HCN1: variants seen among roughly 807,000 people sequenced by gnomAD.
The protein encoded by HCN1 is hyperpolarization activated cyclic nucleotide gated potassium channel 1.
In HCN1, 13 loss-of-function variants were observed where a neutral mutation model predicts 78.9. That is an observed-to-expected ratio of 0.16 (90% CI 0.11 to 0.26). The LOEUF (loss-of-function observed/expected upper bound fraction) is 0.26, where lower values mean the gene tolerates loss of function less well. Ranked by LOEUF, HCN1 falls within the 10% of genes least tolerant of loss-of-function variation. The pLI is 1.00. For synonymous variants in HCN1, 552 were observed against 455.5 expected (o/e 1.21, Z -2.70); for missense variants, 810 against 1,154.3 (o/e 0.70, Z 4.32).
rs59990854 is a variant in HCN1 at position 45,428,102 on chromosome 5, TTATC to T, written c.1012-31396_1012-31393del. ...ATGAACCTGTATTCACTTCTATTCT[TTATC>T]TATGGATAAAACTCATAGAAACATT... On this transcript the variant is annotated intron_variant, in intron 3 of 7. Coordinates refer to ENST00000303230, the MANE Select transcript of HCN1 (RefSeq NM_021072.4). Among the ~76,000 whole-genome samples, 1,304 of 152,144 alleles carry T rather than the reference TTATC, an allele frequency of 8.6e-3. 25 individuals are homozygous for T. The highest frequency in any genetic ancestry group is 0.031 in the African/African-American group (1,277 of 41,570).
At chr5:45,399,095 A>G (rs1025697481) in intron 3 of HCN1, among the ~76,000 whole-genome samples, 2 of 152,272 alleles carry the variant, frequency 1.3e-5, no homozygotes, top group Middle Eastern at 3.4e-3. Flanking sequence ...CAAGCTCTCT[A>G]CTCACCATGG....
chr5:45,444,813 T>G (rs1740752551), intron 3 of HCN1, among the ~76,000 whole-genome samples: 1 of 152,044 alleles, frequency 6.6e-6, no homozygotes, highest in African/African-American at 2.4e-5. Context: ...ATTATTATTA[T>G]TATTATACTT....
At chr5:45,682,054 A>T (rs1035707074) in intron 1 of HCN1, among the ~76,000 whole-genome samples, 17 of 151,860 alleles carry the variant, frequency 1.1e-4, no homozygotes, top group Admixed American at 2.6e-4. Context: ...GAGATCCCTC[A>T]CCCCTTCTAC....
chr5:45,676,967 G>T (rs1746278053), intron 1 of HCN1, among the ~76,000 whole-genome samples: 1 of 151,630 alleles, frequency 6.6e-6, no homozygotes, highest in South Asian at 2.1e-4. Context: ...AACTAATACT[G>T]GTGGGAAATG....
intron 1 of HCN1, among the ~76,000 whole-genome samples, chr5:45,665,228 C>G (rs953691349): frequency 6.8e-6 from 1 of 146,670 alleles, no homozygotes; most frequent in Admixed American, 7.1e-5. Flanking sequence ...TGTTCTCACT[C>G]ATAGGTGGGA....
intron 2 of HCN1, among the ~76,000 whole-genome samples, chr5:45,578,686 A>G (rs1743996303): frequency 6.6e-6 from 1 of 152,022 alleles, no homozygotes; most frequent in Non-Finnish European, 1.5e-5. Flanking sequence ...ACTTTATAAA[A>G]TAAATAATAT....
intron 2 of HCN1, among the ~76,000 whole-genome samples, chr5:45,504,611 AC>A (rs1445982727): frequency 2.6e-5 from 4 of 152,130 alleles, no homozygotes; most frequent in South Asian, 2.1e-4. Context: ...TTGGGTATAT[AC>A]CCAGTAATGG....
At chr5:45,315,470 C>A in intron 5 of HCN1, among the ~76,000 whole-genome samples, 1 of 152,042 alleles carries the variant, frequency 6.6e-6, no homozygotes, top group Non-Finnish European at 1.5e-5. Flanking sequence ...CAGGAAAGTT[C>A]TAAAATTGAC....
intron 2 of HCN1, among the ~76,000 whole-genome samples, chr5:45,604,566 A>G (rs1744689360): frequency 6.6e-6 from 1 of 152,040 alleles, no homozygotes; most frequent in African/African-American, 2.4e-5. Context: ...TTCAAAATGT[A>G]TTAATAATAC....
intron 6 of HCN1, among the ~76,000 whole-genome samples, chr5:45,282,162 A>T (rs1745182206): frequency 6.6e-6 from 1 of 152,178 alleles, no homozygotes; most frequent in Non-Finnish European, 1.5e-5. Flanking sequence ...AAATTCCTTC[A>T]ATATTTCTTT....
At chr5:45,584,393 T>C (rs1046717679) in intron 2 of HCN1, among the ~76,000 whole-genome samples, 32 of 152,208 alleles carry the variant, frequency 2.1e-4, no homozygotes, top group Non-Finnish European at 2.2e-4. Context: ...TAGATCTTCC[T>C]CCATCCTTTT....
At chr5:45,443,050 G>T (rs1740714776) in intron 3 of HCN1, among the ~76,000 whole-genome samples, 1 of 151,990 alleles carries the variant, frequency 6.6e-6, no homozygotes, top group Admixed American at 6.6e-5. Flanking sequence ...TTGACACATA[G>T]TTACAGGGGA....
At chr5:45,276,440 G>A (rs1356875860) in intron 6 of HCN1, among the ~76,000 whole-genome samples, 2 of 152,082 alleles carry the variant, frequency 1.3e-5, no homozygotes, top group Admixed American at 6.6e-5. Flanking sequence ...CAAGGGATAA[G>A]TATTACCACT....
intron 2 of HCN1, among the ~76,000 whole-genome samples, chr5:45,471,372 G>T (rs1171755824): frequency 6.6e-6 from 1 of 151,804 alleles, no homozygotes; most frequent in Non-Finnish European, 1.5e-5. Flanking sequence ...ATGTCTCAAA[G>T]ATTCCACTGT....
At chr5:45,399,697 T>A (rs1486982430) in intron 3 of HCN1, among the ~76,000 whole-genome samples, 1 of 152,110 alleles carries the variant, frequency 6.6e-6, no homozygotes, top group Non-Finnish European at 1.5e-5. Flanking sequence ...ACCTTGGAAC[T>A]GCACATAGTT....
chr5:45,575,325 G>T (rs753847692), intron 2 of HCN1: 1 of 151,748 alleles, frequency 6.6e-6, no homozygotes, highest in South Asian at 2.1e-4. Flanking sequence ...GCAAACTATC[G>T]CAAGGACAAA....
In HCN1 at chr5:45,650,976, C is replaced by T. The variant is rs964748526; in HGVS notation, c.426-5368G>A. Among the ~76,000 whole-genome samples, 3 of 151,918 alleles carry T rather than the reference C, an allele frequency of 2.0e-5. No homozygotes were observed. In the East Asian group the frequency reaches 5.8e-4, roughly 29 times the overall value. On this transcript the variant is annotated intron_variant, in intron 1 of 7. Coordinates refer to ENST00000303230, the MANE Select transcript of HCN1 (RefSeq NM_021072.4). ...TAATGAGATTTAAATAATCGTCATA[C>T]TTTACTACTACTAAAGGTGCTTGTA... is the stretch of plus-strand genomic sequence containing the variant.
At chr5:45,587,220 A>T (rs946173728) in intron 2 of HCN1, among the ~76,000 whole-genome samples, 2 of 152,194 alleles carry the variant, frequency 1.3e-5, no homozygotes, top group South Asian at 4.1e-4. Flanking sequence ...AAGGATTATA[A>T]ATCATGCTGC....
intron 1 of HCN1, among the ~76,000 whole-genome samples, chr5:45,670,552 ATTTT>A (rs1161739809): frequency 6.6e-6 from 1 of 151,636 alleles, no homozygotes; most frequent in Non-Finnish European, 1.5e-5. Flanking sequence ...TGGACCATGC[ATTTT>A]TTAACAGGAA....
Sources: gnomAD v4.1 joint callset for allele counts (sites outside exome capture counted in the v4.1 genomes callset) on GRCh38, gnomAD v4.1.1 for gene constraint, MANE v1.5 for transcripts, NCBI Gene and HGNC (gene_info 2026-07-23, HGNC 2026-07-21) for gene names.